GABRG3: variants seen among roughly 807,000 people sequenced by gnomAD.
GABRG3 encodes the protein gamma-aminobutyric acid type A receptor subunit gamma3.
Under a neutral mutation model 48.8 loss-of-function variants are expected in GABRG3, and 25 were observed. The observed-to-expected ratio is 0.51, with a 90% CI of 0.37 to 0.72. GABRG3 has a LOEUF of 0.72. Ranked by LOEUF, GABRG3 falls within the 30% of genes least tolerant of loss-of-function variation. The probability of loss-of-function intolerance (pLI) is 0.00; values close to 1 mark genes in which losing one functional copy is unlikely to be tolerated. For synonymous variants in GABRG3, 227 were observed against 217.6 expected, an observed-to-expected ratio of 1.04 and a Z score of -0.38; for missense variants, 394 against 577.9, an observed-to-expected ratio of 0.68 and a Z score of 3.26.
intron 3 of GABRG3, among the ~76,000 whole-genome samples, chr15:27,302,475 T>G (rs1461037697): frequency 1.3e-5 from 2 of 151,972 alleles, no homozygotes; most frequent in African/African-American, 4.8e-5. Context: ...ACAACAGAGA[T>G]GCAACATACA....
chr15:27,016,390 A>AT (rs569734542), intron 2 of GABRG3, among the ~76,000 whole-genome samples: 42 of 151,422 alleles, frequency 2.8e-4, no homozygotes, highest in African/African-American at 8.9e-4. Context: ...TTGTTGGTTG[A>AT]TTTTTTTTCC....
intron 3 of GABRG3, among the ~76,000 whole-genome samples, chr15:27,203,289 A>G (rs751973836): frequency 1.3e-5 from 2 of 152,178 alleles, no homozygotes. Context: ...AAGTGATAAC[A>G]CGCAGTATTT....
At chr15:26,983,063 T>C (rs552178473) in intron 2 of GABRG3, among the ~76,000 whole-genome samples, 4 of 152,236 alleles carry the variant, frequency 2.6e-5, no homozygotes, top group South Asian at 2.1e-4. Context: ...GATACTGAAT[T>C]AGAAACCATT....
intron 5 of GABRG3, among the ~76,000 whole-genome samples, chr15:27,405,062 C>A (rs1445016089): frequency 5.9e-5 from 9 of 152,174 alleles, no homozygotes; most frequent in Admixed American, 5.9e-4. Context: ...TCCCAAGACA[C>A]AATGATGCTT....
At chr15:27,123,042 C>T (rs1177147367) in intron 3 of GABRG3, among the ~76,000 whole-genome samples, 3 of 151,818 alleles carry the variant, frequency 2.0e-5, no homozygotes, top group East Asian at 1.9e-4. Context: ...CCCCTTTTTC[C>T]CTCTCCCTTT....
At chr15:27,300,559 A>G (rs940814999) in intron 3 of GABRG3, among the ~76,000 whole-genome samples, 3 of 151,774 alleles carry the variant, frequency 2.0e-5, no homozygotes, top group Non-Finnish European at 1.5e-5. Flanking sequence ...TGAGAGGCTG[A>G]GGCAGGAGAA....
intron 3 of GABRG3, among the ~76,000 whole-genome samples, chr15:27,260,951 C>G (rs78556850): frequency 6.6e-6 from 1 of 152,060 alleles, no homozygotes; most frequent in East Asian, 1.9e-4. Context: ...CACGGGGAAA[C>G]GCACAGGATG....
chr15:27,461,617 T>C (rs1889450960), intron 5 of GABRG3, among the ~76,000 whole-genome samples: 1 of 152,208 alleles, frequency 6.6e-6, no homozygotes, highest in Admixed American at 6.5e-5. Flanking sequence ...GCCCCACTCA[T>C]ATCCTGCCGG....
intron 3 of GABRG3, among the ~76,000 whole-genome samples, chr15:27,325,630 C>T (rs1197398902): frequency 2.0e-5 from 3 of 152,154 alleles, no homozygotes; most frequent in African/African-American, 7.2e-5. Flanking sequence ...ATTTAAGGCC[C>T]ATCTTCCCTG....
At chr15:27,345,547 G>A (rs143524929) in intron 5 of GABRG3, among the ~76,000 whole-genome samples, 1 of 152,250 alleles carries the variant, frequency 6.6e-6, no homozygotes, top group East Asian at 1.9e-4. Context: ...TAATCACACT[G>A]TTATAATTAT....
chr15:27,116,693 TAAG>T (rs1353886925), intron 3 of GABRG3, among the ~76,000 whole-genome samples: 4 of 152,324 alleles, frequency 2.6e-5, no homozygotes, highest in Non-Finnish European at 5.9e-5. Context: ...AGGGGGGCCT[TAAG>T]GAGGTGATTG....
intron 3 of GABRG3, among the ~76,000 whole-genome samples, chr15:27,255,091 C>A (rs1044283237): frequency 6.6e-5 from 10 of 152,196 alleles, no homozygotes. Context: ...TACATAGACT[C>A]CTTCCTGCTC....
chr15:27,184,774 G>C lies in GABRG3; in HGVS notation c.271-142035G>C, dbSNP rs538468402. Among the ~76,000 whole-genome samples, 12 of 152,264 alleles carry C rather than the reference G, an allele frequency of 7.9e-5. No individual in the cohort carries two copies. The South Asian group carries it at 2.5e-3, about 32-fold the overall frequency. On this transcript the variant is annotated intron_variant, in intron 3 of 9. Transcript: ENST00000615808. The stretch of plus-strand genomic sequence containing the variant: ...GTAGTTTGAATTTTGGCAGTTTGTG[G>C]ATTTTGAAGAACTGGTCCACTTCTT...
chr15:27,262,401 G>A (rs1044223172), intron 3 of GABRG3, among the ~76,000 whole-genome samples: 3 of 147,314 alleles, frequency 2.0e-5, no homozygotes, highest in African/African-American at 7.5e-5. Context: ...TCACCACTGA[G>A]GGCCTTAGTG....
chr15:27,466,529 A>G (rs1889617317), intron 5 of GABRG3, among the ~76,000 whole-genome samples: 1 of 152,272 alleles, frequency 6.6e-6, no homozygotes, highest in African/African-American at 2.4e-5. Context: ...CATCTTTTAA[A>G]TCAATGCTTG....
intron 3 of GABRG3, among the ~76,000 whole-genome samples, chr15:27,218,114 A>G (rs1446773324): frequency 2.0e-5 from 3 of 151,884 alleles, no homozygotes; most frequent in South Asian, 4.2e-4. Flanking sequence ...GCCTCAAGTG[A>G]TCCTCCCACC....
intron 3 of GABRG3, among the ~76,000 whole-genome samples, chr15:27,189,223 T>G (rs1888210235): frequency 6.6e-6 from 1 of 151,580 alleles, no homozygotes; most frequent in Non-Finnish European, 1.5e-5. Context: ...TCTTTTTTGG[T>G]TCCATATGAA....
intron 7 of GABRG3, among the ~76,000 whole-genome samples, chr15:27,522,046 A>G (rs1891171865): frequency 6.6e-6 from 1 of 152,014 alleles, no homozygotes; most frequent in African/African-American, 2.4e-5. Flanking sequence ...TACAAGTAAG[A>G]TAAATACGAA....
At chr15:27,084,450 A>C (rs1897042525) in intron 3 of GABRG3, among the ~76,000 whole-genome samples, 1 of 152,228 alleles carries the variant, frequency 6.6e-6, no homozygotes, top group South Asian at 2.1e-4. Flanking sequence ...GATATGATGG[A>C]GATTGCCTCA....
Sources: allele counts gnomAD v4.1 joint callset (sites outside exome capture counted in the v4.1 genomes callset), GRCh38; gene constraint gnomAD v4.1.1; transcripts MANE v1.5; gene names NCBI Gene and HGNC (gene_info 2026-07-23, HGNC 2026-07-21).